The following BMPR1B variants were observed in gnomAD, a reference collection of about 807,000 sequenced individuals.
The protein encoded by BMPR1B is bone morphogenetic protein receptor type-1B.
A neutral mutation model predicts 59.1 loss-of-function variants in BMPR1B; 12 were observed. The observed-to-expected ratio is 0.20, with a 90% CI of 0.13 to 0.33. The LOEUF (loss-of-function observed/expected upper bound fraction) is 0.33, where lower values mean the gene tolerates loss of function less well. Among genes scored for constraint, BMPR1B ranks in the 10% least tolerant of loss-of-function variants. The probability of loss-of-function intolerance (pLI) is 1.00; values close to 1 mark genes in which losing one functional copy is unlikely to be tolerated. For synonymous variants in BMPR1B, 237 were observed against 207.3 expected (o/e 1.14, Z -1.23); for missense variants, 550 against 610.9 (o/e 0.90, Z 1.05).
chr4:94,842,354 TG>T (rs1725122104), intron 1 of BMPR1B, among the ~76,000 whole-genome samples: 1 of 152,178 alleles, frequency 6.6e-6, no homozygotes, highest in Non-Finnish European at 1.5e-5. Context: ...AACACATATG[TG>T]ATGTGTAAAA....
intron 2 of BMPR1B, among the ~76,000 whole-genome samples, chr4:94,989,920 A>G (rs561115232): frequency 1.1e-4 from 17 of 152,364 alleles, no homozygotes; most frequent in African/African-American, 3.6e-4. Flanking sequence ...AAGATGCTCA[A>G]CATTATTTAT....
intron 1 of BMPR1B, among the ~76,000 whole-genome samples, chr4:94,827,752 T>C (rs1724436646): frequency 6.6e-6 from 1 of 152,212 alleles, no homozygotes; most frequent in Non-Finnish European, 1.5e-5. Context: ...TAAATATTTA[T>C]TTATTTTCAC....
intron 2 of BMPR1B, among the ~76,000 whole-genome samples, chr4:94,883,370 A>G (rs1476513223): frequency 6.6e-6 from 1 of 152,146 alleles, no homozygotes; most frequent in African/African-American, 2.4e-5. Flanking sequence ...TCATGTTAAC[A>G]TTATAGATGG....
chr4:95,082,532 G>A (rs1729239607), intron 3 of BMPR1B, among the ~76,000 whole-genome samples: 2 of 151,910 alleles, frequency 1.3e-5, no homozygotes, highest in Admixed American at 1.3e-4. Flanking sequence ...CCTGTAATAG[G>A]GGATAAATGA....
At chr4:94,956,466 CCTT>C (rs772747975) in intron 2 of BMPR1B, among the ~76,000 whole-genome samples, 1 of 151,974 alleles carries the variant, frequency 6.6e-6, no homozygotes, top group Non-Finnish European at 1.5e-5. Flanking sequence ...CTTATTTTAA[CCTT>C]CTTTTTTAAT....
At chr4:95,110,693 C>A (rs1445196176) in intron 4 of BMPR1B, among the ~76,000 whole-genome samples, 1 of 152,130 alleles carries the variant, frequency 6.6e-6, no homozygotes, top group African/African-American at 2.4e-5. Flanking sequence ...TGATGTCTGT[C>A]CCTATTCCTG....
intron 4 of BMPR1B, among the ~76,000 whole-genome samples, chr4:95,105,768 A>G (rs533092795): frequency 2.0e-5 from 3 of 152,206 alleles, no homozygotes; most frequent in African/African-American, 7.2e-5. Flanking sequence ...TTGCCAAGGT[A>G]AAACGATTCC....
chr4:94,786,316 C>T (rs1364793812), intron 1 of BMPR1B, among the ~76,000 whole-genome samples: 1 of 151,264 alleles, frequency 6.6e-6, no homozygotes, highest in East Asian at 1.9e-4. Context: ...GGTCAAAATT[C>T]ATAGTGGGCA....
Position 94,928,674 on chromosome 4 carries a change from G to A in BMPR1B, c.-113+52774G>A, listed in dbSNP as rs546563424. ...TAAACAGATGGCTGGCACTATAGCT[G>A]TTTTGCCTGAGATATGAAAACATGT... On this transcript the variant is annotated intron_variant, in intron 2 of 12. Coordinates refer to ENST00000515059, the MANE Select transcript of BMPR1B (RefSeq NM_001203.3). Among the ~76,000 whole-genome samples, 3 of 151,460 alleles carry A rather than the reference G, an allele frequency of 2.0e-5. No individual in the cohort carries two copies. The South Asian group carries it at 6.2e-4, about 32-fold the overall frequency.
At chr4:94,931,281 A>G (rs1729083019) in intron 2 of BMPR1B, among the ~76,000 whole-genome samples, 2 of 152,280 alleles carry the variant, frequency 1.3e-5, no homozygotes, top group East Asian at 1.9e-4. Flanking sequence ...TTTACTCATA[A>G]TAATAGAGCA....
chr4:95,150,629 G>A, intron 11 of BMPR1B, among the ~76,000 whole-genome samples: 1 of 152,092 alleles, frequency 6.6e-6, no homozygotes. Context: ...AAAGCCTGTG[G>A]GCCAAATACA....
At chr4:95,149,109 C>CT (rs1734851654) in intron 11 of BMPR1B, among the ~76,000 whole-genome samples, 186 bp downstream of exon 11, 1 of 152,170 alleles carries the variant, frequency 6.6e-6, no homozygotes, top group South Asian at 2.1e-4. Context: ...TCTTTGACTG[C>CT]TTCCTTCCTC....
At chr4:95,025,653 T>G in intron 3 of BMPR1B, among the ~76,000 whole-genome samples, 1 of 139,146 alleles carries the variant, frequency 7.2e-6, no homozygotes, top group Admixed American at 7.1e-5. Flanking sequence ...CTTTGAACAC[T>G]TTGTTAGAAG....
rs773770090 is a variant in BMPR1B, at chr4:95,123,859, T to C, written c.399T>C (p.Thr133=). Residue 133 remains threonine (T), a synonymous_variant, in exon 7 of 13, where the codon ACT becomes ACC. Coordinates refer to ENST00000515059, the MANE Select transcript of BMPR1B (RefSeq NM_001203.3). ...IHHRALLISV[T]VCSLLLVLII... is the part of the protein sequence containing the mutation. Reference sequence around the variant, plus strand: ...ACAGGGCTTTACTTATATCTGTGACTGTCTGTAGTTTGCTCTTGGTCCTTA... The same window carrying C: ...ACAGGGCTTTACTTATATCTGTGACCGTCTGTAGTTTGCTCTTGGTCCTTA... The C allele has an allele frequency of 8.7e-6, 14 of 1,612,538 alleles. No individual in the cohort carries two copies. In the East Asian group the frequency reaches 2.5e-4, roughly 28 times the overall value.
intron 7 of BMPR1B, 22 bp downstream of exon 7, chr4:95,123,928 G>T: frequency 6.5e-7 from 1 of 1,541,316 alleles, no homozygotes; most frequent in Non-Finnish European, 9.0e-7. Flanking sequence ...ACATGTAGAT[G>T]CAAAATTTTT....
At chr4:95,076,174 G>C (rs1728693172) in intron 3 of BMPR1B, among the ~76,000 whole-genome samples, 1 of 152,008 alleles carries the variant, frequency 6.6e-6, no homozygotes, top group South Asian at 2.1e-4. Context: ...AAAATTTTAG[G>C]ATGAACTGAT....
At chr4:94,803,434 G>A (rs1488766307) in intron 1 of BMPR1B, among the ~76,000 whole-genome samples, 1 of 152,154 alleles carries the variant, frequency 6.6e-6, no homozygotes, top group Non-Finnish European at 1.5e-5. Context: ...ACTCTCCAAT[G>A]GAAAATGGAG....
At chr4:95,103,168 A>AT (rs1049420693) in intron 3 of BMPR1B, among the ~76,000 whole-genome samples, 1 of 151,880 alleles carries the variant, frequency 6.6e-6, no homozygotes, top group Non-Finnish European at 1.5e-5. Context: ...TCTTTCAACT[A>AT]TTTTTTTCTG....
At chr4:95,102,863 C>T (rs528006652) in intron 3 of BMPR1B, among the ~76,000 whole-genome samples, 70 of 152,110 alleles carry the variant, frequency 4.6e-4, no homozygotes, top group African/African-American at 1.6e-3. Flanking sequence ...GTGGAGTCTA[C>T]AAGTAATTTG....
Sources: allele counts gnomAD v4.1 joint callset (sites outside exome capture counted in the v4.1 genomes callset), GRCh38; gene constraint gnomAD v4.1.1; transcripts MANE v1.5; gene names NCBI Gene and HGNC (gene_info 2026-07-23, HGNC 2026-07-21).